Variants in RIPPLY3 observed in about 807,000 individuals in gnomAD.
RIPPLY3 encodes ripply transcriptional repressor 3.
Under a neutral mutation model 11.9 loss-of-function variants are expected in RIPPLY3, and 8 were observed. That is an observed-to-expected ratio of 0.67 (90% CI 0.40 to 1.21). RIPPLY3 has a LOEUF of 1.21. Ranked by LOEUF, RIPPLY3 falls within the 50% of genes most tolerant of loss-of-function variation. The probability of loss-of-function intolerance (pLI) is 0.01; values close to 1 mark genes in which losing one functional copy is unlikely to be tolerated. For synonymous variants in RIPPLY3, 102 were observed against 99.0 expected (o/e 1.03, Z -0.18); for missense variants, 271 against 246.0 (o/e 1.10, Z -0.68).
rs557394652 is a variant in RIPPLY3, at chr21:37,006,839, G to A, written c.67G>A (p.Ala23Thr). ...RGRGCHCPGD[A>T]PWRPPPPRGP... ...GCGCGGCTGTCACTGCCCCGGGGAC[G>A]CTCCCTGGAGGCCTCCGCCACCGCG... Residue 23 changes from alanine (A) to threonine (T), a missense_variant, in exon 1 of 4, where the codon GCT becomes ACT. Physicochemically the swap from Ala to Thr is moderately conservative, Grantham distance 58. Coordinates refer to ENST00000329553, the MANE Select transcript of RIPPLY3 (RefSeq NM_018962.3). The surrounding 1 kb of genome is among the most constrained non-coding windows in gnomAD (Gnocchi z 5.2). The A allele has an allele frequency of 1.8e-4, 226 of 1,225,464 alleles. 1 individual carries two copies. The Middle Eastern group carries it at 2.8e-3, about 15-fold the overall frequency. 75.9% of individuals were successfully genotyped at this position (1,225,464 alleles called of 1,614,324 possible). A position where few individuals can be genotyped will look rare whatever the true frequency, so the allele number is the denominator to read the frequency against.
chr21:37,017,135 A>G (rs2069586798), intron 3 of RIPPLY3, among the ~76,000 whole-genome samples: 1 of 144,920 alleles, frequency 6.9e-6, no homozygotes, highest in South Asian at 2.3e-4. Flanking sequence ...CCTGGGTGAG[A>G]GAGTAAGACT....
chr21:37,018,357 A>C lies in RIPPLY3; in HGVS notation c.*150A>C. On this transcript the variant is annotated 3_prime_UTR_variant, in exon 4 of 4. Coordinates refer to ENST00000329553, the MANE Select transcript of RIPPLY3 (RefSeq NM_018962.3). ...CTGGCCTGCACACTACTCATGACAG[A>C]AAGTCAGCTTTTACTTTTCTTTCCC... 1.6e-6 allele frequency: 1 copy of C among 628,214 alleles called. No individual in the cohort carries two copies. Among genetic ancestry groups the C allele is most frequent in the South Asian group, 2.0e-5 (1 of 49,478 alleles). The allele number at this position is 628,214 out of a possible 1,614,324, so 38.9% of individuals were successfully genotyped here. A position where few individuals can be genotyped will look rare whatever the true frequency, so the allele number is the denominator to read the frequency against.
intron 2 of RIPPLY3, among the ~76,000 whole-genome samples, chr21:37,010,682 G>A (rs2069512599): frequency 6.6e-6 from 1 of 152,094 alleles, no homozygotes; most frequent in African/African-American, 2.4e-5. Flanking sequence ...GCACTGTCAG[G>A]GAGGCAGTTT....
intron 2 of RIPPLY3, 47 bp downstream of exon 2, chr21:37,008,270 T>G (rs73393097): frequency 0.033 from 52,003 of 1,597,526 alleles, 958 homozygotes; most frequent in African/African-American, 0.049. Context: ...AGCCAGAAAG[T>G]GGCATCGTCT....
At chr21:37,012,668 C>T (rs1323826135) in intron 2 of RIPPLY3, among the ~76,000 whole-genome samples, 1 of 152,090 alleles carries the variant, frequency 6.6e-6, no homozygotes, top group African/African-American at 2.4e-5. Context: ...CCTTGAAATA[C>T]AGATCTGATA....
chr21:37,008,236 G>A lies in RIPPLY3; in HGVS notation c.171+13G>A, dbSNP rs1393153966. The A allele has an allele frequency of 1.2e-6, 2 of 1,613,788 alleles. No individual in the cohort carries two copies. The highest frequency in any genetic ancestry group is 1.7e-6 in the Non-Finnish European group (2 of 1,179,900). ...AACTGGAAGGCCGGTAAGGTTCAGT[G>A]CGGGCGTTGTAGGTAACCCTTCCAG... On this transcript the variant is annotated intron_variant, in intron 2 of 3. Transcript: ENST00000329553.
rs1333953310 is a variant in RIPPLY3 at position 37,006,767 on chromosome 21, G to T, written c.-6G>T. 9.8e-6 allele frequency: 12 copies of T among 1,229,396 alleles called. No individual in the cohort carries two copies. Among genetic ancestry groups the T allele is most frequent in the African/African-American group, 1.6e-5 (1 of 63,930 alleles). The allele number at this position is 1,229,396 out of a possible 1,614,324, so 76.2% of individuals were successfully genotyped here. ...CGCAGCAAGGGGCGCGGGCTCCGCCGGCACCATGGAGCCCGAAGCGGCGGC... is the reference window on the plus strand; with the variant it reads ...CGCAGCAAGGGGCGCGGGCTCCGCCTGCACCATGGAGCCCGAAGCGGCGGC... On this transcript the variant is annotated 5_prime_UTR_variant, in exon 1 of 4. Transcript: ENST00000329553. The surrounding 1 kb of genome is among the most constrained non-coding windows in gnomAD (Gnocchi z 5.2).
intron 2 of RIPPLY3, among the ~76,000 whole-genome samples, chr21:37,009,840 G>A (rs2069502467): frequency 6.6e-6 from 1 of 152,238 alleles, no homozygotes; most frequent in Non-Finnish European, 1.5e-5. Context: ...GTCCACGGAT[G>A]TGGGTGTGGG....
chr21:37,008,751 C>A (rs1303808877), intron 2 of RIPPLY3, among the ~76,000 whole-genome samples: 2 of 90,426 alleles, frequency 2.2e-5, no homozygotes, highest in Non-Finnish European at 4.2e-5. Flanking sequence ...GAGCAAGACT[C>A]ATCTCAAAAA....
chr21:37,007,400 C>CCCTCTTTTTTTTTTTT (rs2069475865), intron 1 of RIPPLY3, among the ~76,000 whole-genome samples: 2 of 86,296 alleles, frequency 2.3e-5, no homozygotes, highest in African/African-American at 1.0e-4. Flanking sequence ...AAGATTCCCT[C>CCCTCTTTTTTTTTTTT]TTTTTTTTTT....
chr21:37,017,943 C>T lies in RIPPLY3; in HGVS notation c.309C>T (p.Phe103=). Reference sequence around the variant, plus strand: ...CCGGGGAGCAAGTACTGGCCAGTTTCCCAGTGCAAGCCACGATTGACTTCT... The same window carrying T: ...CCGGGGAGCAAGTACTGGCCAGTTTTCCAGTGCAAGCCACGATTGACTTCT... ...RSSGEQVLAS[F]PVQATIDFYD... The change falls in exon 4 of 4, where the codon TTC becomes TTT. Residue 103 remains phenylalanine (F), a synonymous_variant. Transcript: ENST00000329553. 1 of 1,614,142 alleles carries T rather than the reference C, an allele frequency of 6.2e-7. No individual in the cohort carries two copies. Among genetic ancestry groups the T allele is most frequent in the South Asian group, 1.1e-5 (1 of 91,074 alleles).
Position 37,018,811 on chromosome 21 carries a change from G to T in RIPPLY3, c.*604G>T, listed in dbSNP as rs2146781973. 1 of 152,060 alleles carries T rather than the reference G, an allele frequency of 6.6e-6. No individual in the cohort carries two copies. The highest frequency in any genetic ancestry group is 2.1e-4 in the South Asian group (1 of 4,804). 9.4% of individuals were successfully genotyped at this position (152,060 alleles called of 1,614,324 possible). A position where few individuals can be genotyped will look rare whatever the true frequency, so the allele number is the denominator to read the frequency against. On this transcript the variant is annotated 3_prime_UTR_variant, in exon 4 of 4. Transcript: ENST00000329553. ...GGGTTCAAGTGATTCTCCTGTCTCA[G>T]CCTCCCAAGTAGCTGGGATTACAGG...
rs1773541465 is a variant in RIPPLY3, at chr21:37,017,898, T to C, written c.264T>C (p.Arg88=). ...GAGTCTATTTACCCATGTCAAAGCG[T>C]CAAGAATACCTGCGGAGTTCCGGGG... is the stretch of plus-strand genomic sequence containing the variant. ...PVRVYLPMSK[R]QEYLRSSGEQ... The change falls in exon 4 of 4, where the codon CGT becomes CGC. Residue 88 remains arginine, a synonymous_variant. Transcript: ENST00000329553. The C allele has an allele frequency of 6.2e-7, 1 of 1,613,364 alleles. No homozygotes were observed. Among genetic ancestry groups the C allele is most frequent in the Non-Finnish European group, 8.5e-7 (1 of 1,179,752 alleles).
At position 37,017,902 on chromosome 21, in the gene RIPPLY3, G is replaced by A; in HGVS notation, c.268G>A (p.Glu90Lys). 1 of 1,613,656 alleles carries A rather than the reference G, an allele frequency of 6.2e-7. No individual in the cohort carries two copies. The highest frequency in any genetic ancestry group is 8.5e-7 in the Non-Finnish European group (1 of 1,179,800). Residue 90 changes from glutamate (E) to lysine (K), a missense_variant, in exon 4 of 4, where the codon GAA becomes AAA. Glu to Lys is a moderately conservative substitution (Grantham distance 56). Coordinates refer to ENST00000329553, the MANE Select transcript of RIPPLY3 (RefSeq NM_018962.3). ...CTATTTACCCATGTCAAAGCGTCAAGAATACCTGCGGAGTTCCGGGGAGCA... is the reference window on the plus strand; with the variant it reads ...CTATTTACCCATGTCAAAGCGTCAAAAATACCTGCGGAGTTCCGGGGAGCA... ...RVYLPMSKRQ[E>K]YLRSSGEQVL...
At chr21:37,010,411 T>C (rs1181262936) in intron 2 of RIPPLY3, among the ~76,000 whole-genome samples, 2 of 152,156 alleles carry the variant, frequency 1.3e-5, no homozygotes, top group African/African-American at 4.8e-5. Context: ...GAGGATCGCT[T>C]GAACCTGGGA....
chr21:37,013,746 GT>G, intron 3 of RIPPLY3, 128 bp downstream of exon 3: 1 of 639,890 alleles, frequency 1.6e-6, no homozygotes, highest in South Asian at 2.6e-5. Context: ...CTTTGGTATT[GT>G]TTAGTTTCCT....
Position 37,006,743 on chromosome 21 carries a change from G to C in RIPPLY3, c.-30G>C. The C allele has an allele frequency of 8.3e-7, 1 of 1,208,818 alleles. No homozygotes were observed. Among genetic ancestry groups the C allele is most frequent in the Non-Finnish European group, 1.0e-6 (1 of 968,010 alleles). The allele number at this position is 1,208,818 out of a possible 1,614,324, so 74.9% of individuals were successfully genotyped here. On this transcript the variant is annotated 5_prime_UTR_variant, in exon 1 of 4. Transcript: ENST00000329553. The surrounding 1 kb of genome is among the most constrained non-coding windows in gnomAD (Gnocchi z 5.2). ...CTAGGCGCGCTCGTAGGCCGGCGCC[G>C]CAGCAAGGGGCGCGGGCTCCGCCGG...
chr21:37,018,076 C>G lies in RIPPLY3; in HGVS notation c.442C>G (p.Pro148Ala). 6.2e-7 allele frequency: 1 copy of G among 1,613,988 alleles called. No individual in the cohort carries two copies. The highest frequency in any genetic ancestry group is 8.5e-7 in the Non-Finnish European group (1 of 1,179,996). The change falls in exon 4 of 4, where the codon CCA (proline) becomes GCA (alanine). Residue 148 changes from proline to alanine, a missense_variant. Pro to Ala is a conservative substitution (Grantham distance 27). Transcript: ENST00000329553. ...QEVGGRQENG[P>A]GGKGRDQGIN... ...GGTGGGAGGTCGGCAGGAAAATGGC[C>G]CAGGGGGAAAGGGCAGAGACCAGGG...
rs1260652030 is a variant in RIPPLY3 at position 37,018,182 on chromosome 21, G to A, written c.548G>A (p.Gly183Asp). 2 of 1,613,622 alleles carry A rather than the reference G, an allele frequency of 1.2e-6. No individual in the cohort carries two copies. Among genetic ancestry groups the A allele is most frequent in the South Asian group, 2.2e-5 (2 of 91,074 alleles). Residue 183 changes from glycine (G) to aspartate (D), a missense_variant, in exon 4 of 4, where the codon GGT becomes GAT. Transcript: ENST00000329553. ...GPLPQGVSSR[G>D]GKCSSSK ...CTCCCTCAAGGTGTCTCCTCAAGGGGTGGCAAGTGCTCCTCATCCAAATGA... is the reference window on the plus strand; with the variant it reads ...CTCCCTCAAGGTGTCTCCTCAAGGGATGGCAAGTGCTCCTCATCCAAATGA...
Sources: allele counts gnomAD v4.1 joint callset (sites outside exome capture counted in the v4.1 genomes callset), GRCh38; gene constraint gnomAD v4.1.1; non-coding constraint Gnocchi (gnomAD v3.1); transcripts MANE v1.5; gene names NCBI Gene and HGNC (gene_info 2026-07-23, HGNC 2026-07-21).